The following WDPCP variants were observed in gnomAD, a reference collection of about 807,000 sequenced individuals.
WDPCP encodes the protein WD repeat-containing and planar cell polarity effector protein fritz homolog.
WDPCP carries 71 observed loss-of-function variants against 93.1 expected under a neutral mutation model. That is an observed-to-expected ratio of 0.76 (90% CI 0.63 to 0.93). The LOEUF is 0.93. WDPCP is among the 40% of genes least tolerant of loss of function. The pLI, the probability that WDPCP is intolerant of heterozygous loss-of-function variation, is 0.00. For missense variants in WDPCP, 844 were observed against 887.4 expected (o/e 0.95, Z 0.62); for synonymous variants, 315 against 315.0 (o/e 1.00, Z 0.00).
At chr2:63,647,713 T>C (rs1710067238) in intron 3 of WDPCP, among the ~76,000 whole-genome samples, 1 of 152,186 alleles carries the variant, frequency 6.6e-6, no homozygotes, top group Non-Finnish European at 1.5e-5. Flanking sequence ...ATCCTGGTTT[T>C]GATATTGTAC....
chr2:63,422,321 G>A (rs996600631), intron 9 of WDPCP, among the ~76,000 whole-genome samples: 1 of 152,190 alleles, frequency 6.6e-6, no homozygotes, highest in African/African-American at 2.4e-5. Flanking sequence ...GACAATCTGA[G>A]CTTCCAAAGG....
At chr2:63,319,197 T>C (rs956038643) in intron 12 of WDPCP, among the ~76,000 whole-genome samples, 5 of 152,228 alleles carry the variant, frequency 3.3e-5, no homozygotes, top group African/African-American at 1.2e-4. Context: ...TCAGAGCCTA[T>C]GTCCAGAACA....
At chr2:63,820,028 C>G (rs138724823) in intron 1 of WDPCP, among the ~76,000 whole-genome samples, 15 of 152,248 alleles carry the variant, frequency 9.9e-5, no homozygotes, top group African/African-American at 3.4e-4. Flanking sequence ...AGATCAGGAA[C>G]ATGTGTTCAT....
chr2:63,407,625 C>G (rs752712359), intron 9 of WDPCP, among the ~76,000 whole-genome samples: 4 of 152,114 alleles, frequency 2.6e-5, no homozygotes, highest in Admixed American at 6.5e-5. Context: ...CTTAACTAAC[C>G]GTACTTACAT....
chr2:63,381,673 T>C (rs1474317997), intron 11 of WDPCP, among the ~76,000 whole-genome samples: 1 of 152,114 alleles, frequency 6.6e-6, no homozygotes, highest in Non-Finnish European at 1.5e-5. Context: ...CACTGTAAGC[T>C]CCAACATAAG....
At chr2:63,335,571 G>A (rs920981833) in intron 12 of WDPCP, among the ~76,000 whole-genome samples, 33 of 151,998 alleles carry the variant, frequency 2.2e-4, no homozygotes, top group Admixed American at 2.2e-3. Context: ...TTAGAAGCAT[G>A]CACCACACCT....
At chr2:63,767,543 G>A (rs745991066) in intron 2 of WDPCP, among the ~76,000 whole-genome samples, 7 of 151,926 alleles carry the variant, frequency 4.6e-5, no homozygotes, top group Non-Finnish European at 1.0e-4. Context: ...CATTCTAGTG[G>A]GTATAGGTAT....
At chr2:63,391,327 A>C (rs201369818) in intron 10 of WDPCP, among the ~76,000 whole-genome samples, 1 of 150,566 alleles carries the variant, frequency 6.6e-6, no homozygotes, top group African/African-American at 2.4e-5. Context: ...AAAGGCCTTC[A>C]ACAAAATTCA....
intron 3 of WDPCP, chr2:63,643,097 G>C (rs1476350723): frequency 6.4e-6 from 1 of 156,928 alleles, no homozygotes; most frequent in East Asian, 1.9e-4. Context: ...ATGGTTTTAG[G>C]CTTTCATTCT....
At chr2:63,527,848 C>T (rs1019740918) in intron 1 of WDPCP, among the ~76,000 whole-genome samples, 3 of 152,002 alleles carry the variant, frequency 2.0e-5, no homozygotes, top group Non-Finnish European at 4.4e-5. Context: ...AGTGTAAAAG[C>T]GTTCTTATTT....
chr2:63,787,305 T>C (rs1231691865), intron 2 of WDPCP, among the ~76,000 whole-genome samples: 2 of 152,196 alleles, frequency 1.3e-5, no homozygotes, highest in South Asian at 2.1e-4. Context: ...TGTTTCTTCT[T>C]TGTAATTTTG....
chr2:63,468,150 C>A (rs1284876574), intron 6 of WDPCP, among the ~76,000 whole-genome samples: 1 of 152,134 alleles, frequency 6.6e-6, no homozygotes, highest in South Asian at 2.1e-4. Flanking sequence ...CTTCAGCCTG[C>A]ACCTCTTTCT....
At chr2:63,588,871 T>A (rs1037193174), upstream of WDPCP, 63 of 781,766 alleles carry the variant, frequency 8.1e-5, no homozygotes, top group Non-Finnish European at 1.2e-4. Context: ...CTTTGGAGAT[T>A]GCGCCACAAC....
chr2:63,624,152 A>G (rs1243513243), intron 3 of WDPCP, among the ~76,000 whole-genome samples: 1 of 152,214 alleles, frequency 6.6e-6, no homozygotes, highest in African/African-American at 2.4e-5. Context: ...CAAAGACACA[A>G]CGTATCAGAA....
At chr2:63,437,893 T>C (rs746314440) in intron 7 of WDPCP, 2 of 1,596,254 alleles carry the variant, frequency 1.3e-6, no homozygotes, top group Non-Finnish European at 1.7e-6. Flanking sequence ...TTCCATTTTA[T>C]TTGTGCTAAG....
intron 14 of WDPCP, among the ~76,000 whole-genome samples, chr2:63,211,988 G>A (rs113334095): frequency 2.0e-5 from 3 of 152,154 alleles, no homozygotes; most frequent in Non-Finnish European, 2.9e-5. Context: ...CCAAATCTAC[G>A]TCTGATTGGT....
At chr2:63,290,151 C>T (rs919230838) in intron 13 of WDPCP, among the ~76,000 whole-genome samples, 5 of 151,590 alleles carry the variant, frequency 3.3e-5, no homozygotes, top group African/African-American at 1.2e-4. Flanking sequence ...TCTGTTTGTC[C>T]TCCTTTTCTG....
chr2:63,325,524 G>T (rs576441646), intron 12 of WDPCP, among the ~76,000 whole-genome samples: 1 of 152,296 alleles, frequency 6.6e-6, no homozygotes, highest in African/African-American at 2.4e-5. Context: ...CTGGACACTG[G>T]TGTGGCCTTC....
rs548122564 is a variant in WDPCP, at chr2:63,463,342, CAAG to C, written c.384+21259_384+21261del. ...TTAAAGTTGGTGAATGCTGAGTAAGCAAGAAGGAAATGGAGACTCTAAATACAG... is the reference window on the plus strand; with the variant it reads ...TTAAAGTTGGTGAATGCTGAGTAAGCAAGGAAATGGAGACTCTAAATACAG... On this transcript the variant is annotated intron_variant, in intron 6 of 17. Coordinates refer to ENST00000272321, the MANE Select transcript of WDPCP (RefSeq NM_015910.7). 4.1e-3 allele frequency among the ~76,000 whole-genome samples: 622 copies of C among 151,836 alleles called. 4 individuals are homozygous for C. The highest frequency in any genetic ancestry group is 6.7e-3 in the Non-Finnish European group (452 of 67,960).
Sources: allele counts gnomAD v4.1 joint callset (sites outside exome capture counted in the v4.1 genomes callset), GRCh38; gene constraint gnomAD v4.1.1; transcripts MANE v1.5; gene names NCBI Gene and HGNC (gene_info 2026-07-23, HGNC 2026-07-21).